Variants in CEP63 observed in about 807,000 individuals in gnomAD.
The protein encoded by CEP63 is centrosomal protein 63, also known as centrosomal protein of 63 kDa.
Under a neutral mutation model 89.1 loss-of-function variants are expected in CEP63, and 84 were observed. That is an observed-to-expected ratio of 0.94 (90% CI 0.79 to 1.13). The LOEUF is 1.13. CEP63 is among the 50% of genes most tolerant of loss of function. CEP63 has a pLI of 0.00. For missense variants in CEP63, 838 were observed against 813.3 expected (o/e 1.03, Z -0.37); for synonymous variants, 267 against 272.5 (o/e 0.98, Z 0.20).
chr3:134,693,007 T>C, the CEP63 span, among the ~76,000 whole-genome samples: 2 of 152,328 alleles, frequency 1.3e-5, no homozygotes, highest in East Asian at 3.9e-4. Context: ...GTTATACAGG[T>C]GCCTGGTGGA....
intron 3 of CEP63, among the ~76,000 whole-genome samples, chr3:134,522,648 TC>T (rs1228391321): frequency 1.3e-5 from 2 of 152,096 alleles, no homozygotes; most frequent in Non-Finnish European, 2.9e-5. Context: ...AGTATGTTGT[TC>T]CCCTCTATGT....
downstream of CEP63, among the ~76,000 whole-genome samples, chr3:134,592,489 TGTGTGTGTGTGTGTG>T (rs1958618102): frequency 1.3e-5 from 2 of 150,418 alleles, no homozygotes; most frequent in African/African-American, 4.9e-5. Context: ...TGTGTGTGTG[TGTGTGTGTGTGTGTG>T]TGTGTGTGTG....
chr3:134,725,332 A>G, the CEP63 span, among the ~76,000 whole-genome samples: 1 of 151,968 alleles, frequency 6.6e-6, no homozygotes, highest in South Asian at 2.1e-4. Flanking sequence ...CCCAAATTGT[A>G]TAGGTTTCAG....
chr3:134,541,659 G>C (rs547087678), intron 6 of CEP63, among the ~76,000 whole-genome samples: 1 of 151,720 alleles, frequency 6.6e-6, no homozygotes, highest in African/African-American at 2.4e-5. Flanking sequence ...GATTACAGGC[G>C]TGCACCACCA....
At chr3:134,579,384 T>C (rs1958292511), downstream of CEP63, among the ~76,000 whole-genome samples, 3 of 152,356 alleles carry the variant, frequency 2.0e-5, no homozygotes, top group Middle Eastern at 3.4e-3. Context: ...GTGGCTAAGC[T>C]ATTTTATATT....
chr3:134,556,033 C>A (rs1222910505), intron 12 of CEP63, among the ~76,000 whole-genome samples: 9 of 149,236 alleles, frequency 6.0e-5, no homozygotes, highest in Non-Finnish European at 4.5e-5. Flanking sequence ...AAAGGATTCC[C>A]TATTTAATAA....
chr3:134,684,182 T>A, the CEP63 span, among the ~76,000 whole-genome samples: 7 of 152,172 alleles, frequency 4.6e-5, no homozygotes, highest in African/African-American at 1.4e-4. Context: ...GTTGAGAACA[T>A]CTTTTGGGTT....
chr3:134,572,379 A>G (rs556077536), intron 11 of CEP63, among the ~76,000 whole-genome samples: 13 of 152,172 alleles, frequency 8.5e-5, no homozygotes, highest in Admixed American at 5.2e-4. Context: ...ATAGTATCCA[A>G]TAGACAGTTT....
chr3:134,582,443 C>G, intron 10 of CEP63, among the ~76,000 whole-genome samples: 1 of 151,970 alleles, frequency 6.6e-6, no homozygotes, highest in East Asian at 1.9e-4. Context: ...GGTTCTCTGT[C>G]CTTGTGATAG....
the CEP63 span, among the ~76,000 whole-genome samples, chr3:134,769,007 G>A: frequency 1.3e-5 from 2 of 152,300 alleles, no homozygotes; most frequent in South Asian, 4.1e-4. Flanking sequence ...AAGGAAACAG[G>A]GAACTCAGCC....
the CEP63 span, among the ~76,000 whole-genome samples, chr3:134,753,179 G>A: frequency 6.6e-6 from 1 of 152,100 alleles, no homozygotes; most frequent in East Asian, 1.9e-4. Context: ...TCTATCAGTG[G>A]GTGTCTGGCT....
chr3:134,712,002 C>T, the CEP63 span, among the ~76,000 whole-genome samples: 7 of 152,152 alleles, frequency 4.6e-5, no homozygotes, highest in Admixed American at 2.0e-4. Context: ...GGTCCACCCT[C>T]CTCGGCCTCC....
At chr3:134,503,879 C>T (rs1044604917) in intron 2 of CEP63, among the ~76,000 whole-genome samples, 2 of 106,586 alleles carry the variant, frequency 1.9e-5, no homozygotes, top group Admixed American at 1.0e-4. Context: ...CGTGTCTTTA[C>T]AGATGAAGTG....
the CEP63 span, among the ~76,000 whole-genome samples, chr3:134,739,922 A>G: frequency 6.6e-6 from 1 of 152,158 alleles, no homozygotes; most frequent in South Asian, 2.1e-4. Flanking sequence ...TCCTGCTATG[A>G]CAGATGAGGA....
chr3:134,749,805 A>T, the CEP63 span, among the ~76,000 whole-genome samples: 2 of 114,124 alleles, frequency 1.8e-5, no homozygotes, highest in Admixed American at 1.8e-4. Flanking sequence ...ATTGATCATC[A>T]TCTAGAGCCC....
At chr3:134,596,758 C>T in the CEP63 span, among the ~76,000 whole-genome samples, 1 of 152,168 alleles carries the variant, frequency 6.6e-6, no homozygotes, top group South Asian at 2.1e-4. Context: ...AATTCACATC[C>T]TAGGGGCAGA....
intron 3 of CEP63, among the ~76,000 whole-genome samples, chr3:134,512,047 A>C (rs1325221781): frequency 2.6e-5 from 4 of 152,208 alleles, no homozygotes; most frequent in African/African-American, 9.6e-5. Context: ...CTCATCTTTC[A>C]TAGTACCAAG....
the CEP63 span, among the ~76,000 whole-genome samples, chr3:134,707,741 T>TTC: frequency 4.7e-5 from 6 of 126,864 alleles, no homozygotes; most frequent in African/African-American, 2.2e-4. Flanking sequence ...ATTCTTTTCT[T>TTC]TTTTTTTTTT....
chr3:134,649,177 A>G, the CEP63 span, among the ~76,000 whole-genome samples: 1 of 152,210 alleles, frequency 6.6e-6, no homozygotes, highest in Non-Finnish European at 1.5e-5. Flanking sequence ...CGGCCATCAG[A>G]AAAATATTTG....
Sources: allele counts gnomAD v4.1 joint callset (sites outside exome capture counted in the v4.1 genomes callset), GRCh38; gene constraint gnomAD v4.1.1; transcripts MANE v1.5; gene names NCBI Gene and HGNC (gene_info 2026-07-23, HGNC 2026-07-21).